MACROD2: variants seen among roughly 807,000 people sequenced by gnomAD.
The protein encoded by MACROD2 is ADP-ribose glycohydrolase MACROD2.
A neutral mutation model predicts 70.4 loss-of-function variants in MACROD2; 36 were observed. The observed-to-expected ratio is 0.51, with a 90% CI of 0.39 to 0.68. The LOEUF is 0.68. Ranked by LOEUF, MACROD2 falls within the 30% of genes least tolerant of loss-of-function variation. MACROD2 has a pLI of 0.00. For missense variants in MACROD2, 496 were observed against 538.4 expected, an observed-to-expected ratio of 0.92 and a Z score of 0.78; for synonymous variants, 172 against 178.8, an observed-to-expected ratio of 0.96 and a Z score of 0.30.
chr20:15,718,546 G>A (rs1431375798), intron 8 of MACROD2, among the ~76,000 whole-genome samples: 1 of 152,134 alleles, frequency 6.6e-6, no homozygotes, highest in Non-Finnish European at 1.5e-5. Flanking sequence ...CCTCACCAAG[G>A]CAATGTAGGG....
intron 3 of MACROD2, among the ~76,000 whole-genome samples, chr20:14,086,933 G>T (rs2054083488): frequency 6.6e-6 from 1 of 152,130 alleles, no homozygotes; most frequent in Non-Finnish European, 1.5e-5. Context: ...GTTATCTCCA[G>T]GTTTCCTTTG....
rs144335268 is a variant in MACROD2 at position 15,506,150 on chromosome 20, G to A, written c.645+6303G>A. Among the ~76,000 whole-genome samples the A allele has an allele frequency of 4.3e-3, 659 of 152,240 alleles. 14 individuals carry two copies. Among genetic ancestry groups the A allele is most frequent in the Non-Finnish European group, 7.1e-4 (48 of 68,018 alleles). On this transcript the variant is annotated intron_variant, in intron 8 of 17. Transcript: ENST00000684519. ...CACCCAGTGTGGTCTAGACCTCACC[G>A]TAAGATGCCGATAGCCAGAGACAAA...
At chr20:14,357,766 A>ATGTCCT (rs1201661003) in intron 3 of MACROD2, among the ~76,000 whole-genome samples, 3 of 152,194 alleles carry the variant, frequency 2.0e-5, no homozygotes, top group African/African-American at 7.2e-5. Flanking sequence ...GTTTCTATTC[A>ATGTCCT]TCTGTCAAGA....
At chr20:14,325,525 C>T in intron 3 of MACROD2, 1 of 1,566,966 alleles carries the variant, frequency 6.4e-7, no homozygotes, top group Non-Finnish European at 8.6e-7. Flanking sequence ...TTAAAAAACC[C>T]AAAACACAAG....
intron 5 of MACROD2, among the ~76,000 whole-genome samples, chr20:14,802,929 T>A (rs2072596052): frequency 6.6e-6 from 1 of 152,074 alleles, no homozygotes; most frequent in South Asian, 2.1e-4. Context: ...GGCATTCTAC[T>A]ATGATTCAAT....
intron 3 of MACROD2, among the ~76,000 whole-genome samples, chr20:14,397,271 G>A (rs1269638438): frequency 2.6e-5 from 4 of 152,072 alleles, no homozygotes; most frequent in Non-Finnish European, 5.9e-5. Flanking sequence ...GGGATTACAG[G>A]CATGAGCCAC....
chr20:14,104,676 T>C (rs1191692468), intron 3 of MACROD2, among the ~76,000 whole-genome samples: 7 of 152,126 alleles, frequency 4.6e-5, no homozygotes, highest in Admixed American at 2.0e-4. Flanking sequence ...TGGGGATCCA[T>C]TGGTGACGTA....
intron 10 of MACROD2, among the ~76,000 whole-genome samples, chr20:15,896,513 A>C (rs2064974731): frequency 6.6e-6 from 1 of 150,488 alleles, no homozygotes; most frequent in South Asian, 2.1e-4. Context: ...GCCCAAGTCC[A>C]CGCAGTTTGT....
intron 3 of MACROD2, among the ~76,000 whole-genome samples, chr20:14,354,715 G>C (rs1295763681): frequency 6.6e-6 from 1 of 152,088 alleles, no homozygotes; most frequent in Non-Finnish European, 1.5e-5. Context: ...TAGGCCCTGA[G>C]CACGGTACCC....
chr20:15,760,020 A>T (rs914488995), intron 8 of MACROD2, among the ~76,000 whole-genome samples: 1 of 152,204 alleles, frequency 6.6e-6, no homozygotes, highest in Non-Finnish European at 1.5e-5. Flanking sequence ...CAAACAGAGA[A>T]TAGAACCATT....
chr20:14,141,360 A>T (rs2054870609), intron 3 of MACROD2, among the ~76,000 whole-genome samples: 1 of 152,182 alleles, frequency 6.6e-6, no homozygotes, highest in East Asian at 1.9e-4. Context: ...TTTGAATCTT[A>T]GCTCTGCCAC....
At chr20:14,624,180 T>C (rs1024643955) in intron 4 of MACROD2, among the ~76,000 whole-genome samples, 2 of 152,178 alleles carry the variant, frequency 1.3e-5, no homozygotes, top group East Asian at 3.9e-4. Context: ...AGGGGTCTTC[T>C]CCATCAGCTT....
At chr20:15,749,448 G>A (rs181073376) in intron 8 of MACROD2, among the ~76,000 whole-genome samples, 15 of 151,622 alleles carry the variant, frequency 9.9e-5, no homozygotes, top group Admixed American at 2.0e-4. Flanking sequence ...CTAAAATTTC[G>A]GATCTATCAC....
intron 8 of MACROD2, among the ~76,000 whole-genome samples, chr20:15,579,175 C>T (rs2048490069): frequency 1.3e-5 from 2 of 152,128 alleles, no homozygotes; most frequent in South Asian, 4.1e-4. Context: ...TGTGGCATCA[C>T]CAGCCTCATC....
intron 7 of MACROD2, among the ~76,000 whole-genome samples, chr20:15,457,898 T>C (rs1335431876): frequency 6.8e-6 from 1 of 146,798 alleles, no homozygotes; most frequent in East Asian, 2.0e-4. Flanking sequence ...TTCCATAAAA[T>C]GGAGATAACA....
chr20:14,675,050 A>G (rs1303702576), intron 4 of MACROD2, among the ~76,000 whole-genome samples: 1 of 152,092 alleles, frequency 6.6e-6, no homozygotes, highest in African/African-American at 2.4e-5. Context: ...TAAGACAAGA[A>G]GGAGACAAAG....
At chr20:15,772,410 T>C (rs993068149) in intron 8 of MACROD2, among the ~76,000 whole-genome samples, 17 of 152,066 alleles carry the variant, frequency 1.1e-4, no homozygotes, top group Non-Finnish European at 2.2e-4. Flanking sequence ...GTCGTAGGGC[T>C]ATAGCAGAGC....
At chr20:14,457,672 A>G (rs1222707496) in intron 3 of MACROD2, among the ~76,000 whole-genome samples, 1 of 152,140 alleles carries the variant, frequency 6.6e-6, no homozygotes, top group Non-Finnish European at 1.5e-5. Context: ...TCATACTACC[A>G]TATACCAAGG....
At chr20:15,567,760 G>A (rs2048328402) in intron 8 of MACROD2, among the ~76,000 whole-genome samples, 1 of 152,164 alleles carries the variant, frequency 6.6e-6, no homozygotes, top group African/African-American at 2.4e-5. Flanking sequence ...CTCGCACTGG[G>A]TACCATAGTG....
Sources: allele counts gnomAD v4.1 joint callset (sites outside exome capture counted in the v4.1 genomes callset), GRCh38; gene constraint gnomAD v4.1.1; transcripts MANE v1.5; gene names NCBI Gene and HGNC (gene_info 2026-07-23, HGNC 2026-07-21).